FARP1: variants seen among roughly 807,000 people sequenced by gnomAD.
The protein encoded by FARP1 is FERM, ARH/RhoGEF and pleckstrin domain protein 1.
In FARP1, 52 loss-of-function variants were observed where a neutral mutation model predicts 128.8. The ratio of observed to expected loss-of-function variants is 0.40; its 90% CI spans 0.32 to 0.51. The LOEUF is 0.51. Among genes scored for constraint, FARP1 ranks in the 20% least tolerant of loss-of-function variants. FARP1 has a pLI of 0.45. For synonymous variants in FARP1, 580 were observed against 551.8 expected (o/e 1.05, Z -0.72); for missense variants, 1,333 against 1,367.9 (o/e 0.97, Z 0.40).
intron 1 of FARP1, among the ~76,000 whole-genome samples, chr13:98,185,781 T>C (rs1198521322): frequency 3.9e-5 from 6 of 152,046 alleles, no homozygotes; most frequent in Non-Finnish European, 8.8e-5. Context: ...CACTGCAACC[T>C]CCGCCTCCTG....
At chr13:98,195,566 C>G (rs1879520664) in intron 1 of FARP1, among the ~76,000 whole-genome samples, 1 of 152,176 alleles carries the variant, frequency 6.6e-6, no homozygotes, top group African/African-American at 2.4e-5. Flanking sequence ...GAGCGCCTTT[C>G]TGATTGCACA....
At chr13:98,393,784 C>A in intron 12 of FARP1, 66 bp downstream of exon 12, 1 of 1,234,490 alleles carries the variant, frequency 8.1e-7, no homozygotes, top group Admixed American at 1.8e-5. Flanking sequence ...GAGCCCTGGG[C>A]TTCAGAGCGG....
rs374266571 is a variant in FARP1, at chr13:98,238,165, T to A, written c.171+24752T>A. Among the ~76,000 whole-genome samples, 6 of 152,318 alleles carry A rather than the reference T, an allele frequency of 3.9e-5. No individual in the cohort carries two copies. In the East Asian group the frequency reaches 1.2e-3, roughly 29 times the overall value. On this transcript the variant is annotated intron_variant, in intron 2 of 26. Transcript: ENST00000319562. Reference sequence around the variant, plus strand: ...CTTCTCCCGACTAAGAGGCAGTAGATGAGTTCCCAGATGCCATCAGGAAAA... The same window carrying A: ...CTTCTCCCGACTAAGAGGCAGTAGAAGAGTTCCCAGATGCCATCAGGAAAA...
chr13:98,241,897 C>T (rs529079939), intron 2 of FARP1, among the ~76,000 whole-genome samples: 4 of 152,134 alleles, frequency 2.6e-5, no homozygotes, highest in African/African-American at 7.2e-5. Context: ...ACAGCCTGGG[C>T]GACAGATTGA....
At chr13:98,193,311 C>T (rs1879362797) in intron 1 of FARP1, among the ~76,000 whole-genome samples, 1 of 152,234 alleles carries the variant, frequency 6.6e-6, no homozygotes, top group Admixed American at 6.5e-5. Context: ...CCGCCTCGGC[C>T]TCCCAAAGTG....
intron 3 of FARP1, among the ~76,000 whole-genome samples, chr13:98,351,870 C>T (rs754138884): frequency 1.3e-5 from 2 of 152,028 alleles, no homozygotes; most frequent in Non-Finnish European, 2.9e-5. Context: ...CATGAGGGAC[C>T]CGTCCCCGTG....
At chr13:98,420,702 C>T (rs554412665) in intron 16 of FARP1, among the ~76,000 whole-genome samples, 1 of 152,308 alleles carries the variant, frequency 6.6e-6, no homozygotes, top group Admixed American at 6.5e-5. Context: ...ATTACCCAGG[C>T]AATAAATATG....
chr13:98,331,009 T>C (rs1262525668), intron 2 of FARP1, among the ~76,000 whole-genome samples: 2 of 152,224 alleles, frequency 1.3e-5, no homozygotes, highest in Non-Finnish European at 2.9e-5. Context: ...ATTAGTTCTT[T>C]AATTAAATCC....
intron 2 of FARP1, among the ~76,000 whole-genome samples, chr13:98,335,026 G>C (rs2139842999): frequency 6.6e-6 from 1 of 152,224 alleles, no homozygotes; most frequent in African/African-American, 2.4e-5. Context: ...CATCCTTCAG[G>C]ACCCATTCAA....
intron 1 of FARP1, among the ~76,000 whole-genome samples, chr13:98,208,323 A>T (rs1880425136): frequency 6.6e-6 from 1 of 151,750 alleles, no homozygotes; most frequent in Non-Finnish European, 1.5e-5. Context: ...GAGAAAAAAA[A>T]AAAAAAAAGC....
intron 13 of FARP1, among the ~76,000 whole-genome samples, chr13:98,407,980 G>A (rs1009974280): frequency 2.0e-5 from 3 of 152,176 alleles, no homozygotes; most frequent in Admixed American, 1.3e-4. Context: ...CTAGAAAACC[G>A]CCCTCCACCT....
chr13:98,239,304 C>G (rs1882626480), intron 2 of FARP1, among the ~76,000 whole-genome samples: 1 of 152,200 alleles, frequency 6.6e-6, no homozygotes, highest in Non-Finnish European at 1.5e-5. Flanking sequence ...ATCATAAAAA[C>G]TGGAGCCCAC....
chr13:98,241,812 G>T (rs545828942), intron 2 of FARP1, among the ~76,000 whole-genome samples: 1 of 152,228 alleles, frequency 6.6e-6, no homozygotes, highest in Non-Finnish European at 1.5e-5. Context: ...TCAGCTACTT[G>T]GGAGGCTGAG....
chr13:98,444,829 T>G (rs569717989), intron 24 of FARP1, among the ~76,000 whole-genome samples: 6 of 152,308 alleles, frequency 3.9e-5, no homozygotes, highest in Non-Finnish European at 8.8e-5. Flanking sequence ...AAGGGGAGTG[T>G]GCCACCCTCC....
chr13:98,229,197 C>A (rs2139396378), intron 2 of FARP1, among the ~76,000 whole-genome samples: 2 of 152,280 alleles, frequency 1.3e-5, no homozygotes, highest in East Asian at 3.9e-4. Context: ...CCCTTCTACC[C>A]ACATTTCCCC....
intron 2 of FARP1, among the ~76,000 whole-genome samples, chr13:98,337,059 T>A (rs1689420261): frequency 6.6e-6 from 1 of 152,120 alleles, no homozygotes; most frequent in Non-Finnish European, 1.5e-5. Flanking sequence ...GCACAAACCC[T>A]TGAGGACATC....
intron 7 of FARP1, 89 bp downstream of exon 7, chr13:98,384,933 C>T: frequency 1.3e-6 from 1 of 774,696 alleles, no homozygotes; most frequent in Non-Finnish European, 2.3e-6. Flanking sequence ...ACCCCCCACA[C>T]AAACTATTGT....
intron 2 of FARP1, among the ~76,000 whole-genome samples, chr13:98,295,567 C>T (rs1401206515): frequency 2.0e-5 from 3 of 152,222 alleles, no homozygotes; most frequent in Non-Finnish European, 4.4e-5. Context: ...TCTCCTCCCC[C>T]ATGTTCTTCT....
At chr13:98,387,911 G>T (rs1368298695) in intron 8 of FARP1, among the ~76,000 whole-genome samples, 1 of 152,170 alleles carries the variant, frequency 6.6e-6, no homozygotes, top group Non-Finnish European at 1.5e-5. Context: ...CACATTAAAC[G>T]TGTCATTTGC....
Sources: gnomAD v4.1 joint callset for allele counts (sites outside exome capture counted in the v4.1 genomes callset) on GRCh38, gnomAD v4.1.1 for gene constraint, MANE v1.5 for transcripts, NCBI Gene and HGNC (gene_info 2026-07-23, HGNC 2026-07-21) for gene names.